Variants in SLC6A12 observed in about 807,000 individuals in gnomAD.
The protein encoded by SLC6A12 is solute carrier family 6 member 12, also known as sodium- and chloride-dependent betaine transporter.
A neutral mutation model predicts 73.3 loss-of-function variants in SLC6A12; 50 were observed. The observed-to-expected ratio is 0.68, with a 90% CI of 0.54 to 0.86. The LOEUF (loss-of-function observed/expected upper bound fraction) is 0.86. Among genes scored for constraint, SLC6A12 ranks in the 40% least tolerant of loss-of-function variants. The pLI is 0.00. For missense variants in SLC6A12, 648 were observed against 772.8 expected, an observed-to-expected ratio of 0.84 and a Z score of 1.92; for synonymous variants, 304 against 309.2, an observed-to-expected ratio of 0.98 and a Z score of 0.18.
rs763860414 is a variant in SLC6A12 at position 209,900 on chromosome 12, G to A, written c.87C>T (p.Asp29=). 20 of 1,614,054 alleles carry A rather than the reference G, an allele frequency of 1.2e-5. No individual in the cohort carries two copies. Among genetic ancestry groups the A allele is most frequent in the African/African-American group, 4.0e-5 (3 of 74,912 alleles). ...PEEGEKLDQE[D]EDQVKDRGQW... ...GGCCCCGATCCTTCACCTGGTCCTC[G>A]TCTTCCTGGTCCAACTTCTCTCCCT... Residue 29 remains aspartate, a synonymous_variant, in exon 3 of 16, where the codon GAC becomes GAT. Transcript: ENST00000684302.
Position 198,841 on chromosome 12 carries a change from T to A in SLC6A12, c.802A>T (p.Ile268Phe), listed in dbSNP as rs749942377. 6.2e-7 allele frequency: 1 copy of A among 1,614,228 alleles called. No individual in the cohort carries two copies. Among genetic ancestry groups the A allele is most frequent in the Non-Finnish European group, 8.5e-7 (1 of 1,180,034 alleles). ...VTLPGAYQGI[I>F]YYLKPDLFRL... ...AACAAATCTGGCTTCAAGTAGTAGATGATGCCCTGGTAGGCTCCGGGAAGG... is the reference window on the plus strand; with the variant it reads ...AACAAATCTGGCTTCAAGTAGTAGAAGATGCCCTGGTAGGCTCCGGGAAGG... The change falls in exon 8 of 16, where the codon ATC (isoleucine) becomes TTC (phenylalanine). Residue 268 changes from isoleucine (I) to phenylalanine (F), a missense_variant. Coordinates refer to ENST00000684302, the MANE Select transcript of SLC6A12 (RefSeq NM_001122848.3). The surrounding 1 kb of genome is among the most constrained non-coding windows in gnomAD (Gnocchi z 4.0).
intron 7 of SLC6A12, among the ~76,000 whole-genome samples, chr12:200,251 G>T (rs1193228075): frequency 6.6e-6 from 1 of 150,742 alleles, no homozygotes; most frequent in Non-Finnish European, 1.5e-5. Flanking sequence ...TGGGACTACA[G>T]GTGCCCACCA....
At chr12:200,310 G>A (rs562885943) in intron 7 of SLC6A12, among the ~76,000 whole-genome samples, 1,555 of 151,004 alleles carry the variant, frequency 0.01, 15 homozygotes, top group African/African-American at 0.016. Flanking sequence ...GGGTTTTACC[G>A]TGTTAGCCAG....
intron 5 of SLC6A12, 149 bp downstream of exon 5, chr12:202,591 G>A (rs1940329553): frequency 1.4e-6 from 1 of 710,260 alleles, no homozygotes. Context: ...CCTCAGAGGA[G>A]CCAAGGAGCA....
At chr12:195,047 A>T (rs1383399818) in intron 13 of SLC6A12, among the ~76,000 whole-genome samples, 178 bp downstream of exon 13, 1 of 152,188 alleles carries the variant, frequency 6.6e-6, no homozygotes, top group Non-Finnish European at 1.5e-5. Context: ...GCTGCCATGA[A>T]AATGCCAGGC....
chr12:187,637 CACACACACA>C (rs1939460646), downstream of SLC6A12, among the ~76,000 whole-genome samples: 2 of 111,162 alleles, frequency 1.8e-5, no homozygotes, highest in African/African-American at 9.0e-5. Context: ...AAAAACAAAC[CACACACACA>C]GCACCCACTG....
At position 209,851 on chromosome 12, in the gene SLC6A12, C is replaced by T. The variant is rs1383706138; in HGVS notation, c.136G>A (p.Val46Met). 3 of 1,614,102 alleles carry T rather than the reference C, an allele frequency of 1.9e-6. No individual in the cohort carries two copies. Among genetic ancestry groups the T allele is most frequent in the East Asian group, 4.5e-5 (2 of 44,894 alleles). ...RGQWTNKMEF[V>M]LSVAGEIIGL... ...ATGATCTCCCCGGCCACTGACAGCACAAACTCCATCTTGTTGGTCCATTGG... is the reference window on the plus strand; with the variant it reads ...ATGATCTCCCCGGCCACTGACAGCATAAACTCCATCTTGTTGGTCCATTGG... Residue 46 changes from valine (V) to methionine (M), a missense_variant, in exon 3 of 16, where the codon GTG (valine) becomes ATG (methionine). Transcript: ENST00000684302.
chr12:204,465 G>A (rs1376687491), intron 4 of SLC6A12, 99 bp downstream of exon 4: 18 of 1,181,490 alleles, frequency 1.5e-5, no homozygotes, highest in Admixed American at 1.2e-4. Context: ...GGGAGTGAGC[G>A]GATGGGTGAA....
chr12:210,347 G>A lies in SLC6A12; in HGVS notation c.-57-304C>T, dbSNP rs2075229. The A allele has an allele frequency of 4.2e-5, 47 of 1,126,482 alleles. No homozygotes were observed. In the African/African-American group the frequency reaches 6.4e-4, roughly 15 times the overall value. The allele number at this position is 1,126,482 out of a possible 1,614,324, so 69.8% of individuals were successfully genotyped here. A position where few individuals can be genotyped will look rare whatever the true frequency, so the allele number is the denominator to read the frequency against. On this transcript the variant is annotated intron_variant, in intron 2 of 15. Coordinates refer to ENST00000684302, the MANE Select transcript of SLC6A12 (RefSeq NM_001122848.3). ...ATGTCCCTTTTTATCTGTACAGCTCGCCACCATCCCAGCCGGCCCATCTGC... is the reference window on the plus strand; with the variant it reads ...ATGTCCCTTTTTATCTGTACAGCTCACCACCATCCCAGCCGGCCCATCTGC...
At chr12:197,853 C>G (rs1046406385) in intron 9 of SLC6A12, 47 bp downstream of exon 9, 1 of 1,362,680 alleles carries the variant, frequency 7.3e-7, no homozygotes, top group Admixed American at 1.7e-5. Flanking sequence ...AACCCATCCC[C>G]AGGCCCCAAC....
chr12:209,858 C>T lies in SLC6A12; in HGVS notation c.129G>A (p.Met43Ile), dbSNP rs770555013. 1 of 1,614,210 alleles carries T rather than the reference C, an allele frequency of 6.2e-7. No individual in the cohort carries two copies. Among genetic ancestry groups the T allele is most frequent in the Admixed American group, 1.7e-5 (1 of 60,028 alleles). The change falls in exon 3 of 16, where the codon ATG becomes ATA. Residue 43 changes from methionine (M) to isoleucine (I), a missense_variant. By Grantham distance (10) the Met-to-Ile change is conservative. Coordinates refer to ENST00000684302, the MANE Select transcript of SLC6A12 (RefSeq NM_001122848.3). ...VKDRGQWTNKMEFVLSVAGEI... is the reference protein window; with the variant it reads ...VKDRGQWTNKIEFVLSVAGEI... ...CCCCGGCCACTGACAGCACAAACTC[C>T]ATCTTGTTGGTCCATTGGCCCCGAT...
At chr12:187,675 CG>C (rs2137092578), downstream of SLC6A12, among the ~76,000 whole-genome samples, 1 of 145,856 alleles carries the variant, frequency 6.9e-6, no homozygotes, top group Admixed American at 6.9e-5. Context: ...GCGACCCCAG[CG>C]GGTTACCACT....
At chr12:201,287 G>A (rs558778838) in intron 6 of SLC6A12, 18 of 194,918 alleles carry the variant, frequency 9.2e-5, no homozygotes, top group South Asian at 2.2e-4. Context: ...GCAGGTGGAC[G>A]AGTGTGGGCA....
In SLC6A12 at chr12:198,099, G is replaced by A. The variant is rs1476550577; in HGVS notation, c.847-96C>T. The A allele has an allele frequency of 1.1e-6, 1 of 901,670 alleles. No homozygotes were observed. The highest frequency in any genetic ancestry group is 1.7e-5 in the African/African-American group (1 of 60,482). The allele number at this position is 901,670 out of a possible 1,614,324, so 55.9% of individuals were successfully genotyped here. A position where few individuals can be genotyped will look rare whatever the true frequency, so the allele number is the denominator to read the frequency against. ...ACCCGTCCCCTGCAGCACCAGCCTGGCCCCTCAGTGCTCCCTGAGCGCTTC... is the reference window on the plus strand; with the variant it reads ...ACCCGTCCCCTGCAGCACCAGCCTGACCCCTCAGTGCTCCCTGAGCGCTTC... On this transcript the variant is annotated intron_variant, in intron 8 of 15. Coordinates refer to ENST00000684302, the MANE Select transcript of SLC6A12 (RefSeq NM_001122848.3). This position sits in a 1 kb window ranked among gnomAD's most constrained non-coding sequence, Gnocchi z 4.0.
rs766938786 is a variant in SLC6A12, at chr12:202,765, C to A, written c.465G>T (p.Thr155=). 1 of 1,613,272 alleles carries A rather than the reference C, an allele frequency of 6.2e-7. No homozygotes were observed. The highest frequency in any genetic ancestry group is 1.1e-5 in the South Asian group (1 of 90,852). Residue 155 remains threonine (T), a synonymous_variant, in exon 5 of 16, where the codon ACG becomes ACT. Transcript: ENST00000684302. ...CTGTGTTCCAAAAGTTGTTGCAGGT[C>A]GTCCAGGGCAGCTCAGAAGTGAAGG... ...FSSFTSELPW[T]TCNNFWNTEH...
At chr12:187,072 T>C (rs543167850), downstream of SLC6A12, among the ~76,000 whole-genome samples, 4 of 152,186 alleles carry the variant, frequency 2.6e-5, no homozygotes, top group Non-Finnish European at 1.5e-5. Flanking sequence ...GTGACAGAAG[T>C]GGGAAGACTG....
intron 13 of SLC6A12, 30 bp from the exon 14 acceptor site, chr12:193,407 G>C: frequency 6.5e-7 from 1 of 1,537,336 alleles, no homozygotes; most frequent in South Asian, 1.1e-5. Flanking sequence ...GAGAGTGTGA[G>C]AGCCAGAGGG....
At chr12:200,142 G>A (rs979134147) in intron 7 of SLC6A12, among the ~76,000 whole-genome samples, 1 of 138,082 alleles carries the variant, frequency 7.2e-6, no homozygotes. Flanking sequence ...ACGGAGTCTG[G>A]CTGTCGCCCA....
intron 4 of SLC6A12, chr12:203,540 C>T (rs1346582356): frequency 6.6e-6 from 1 of 152,116 alleles, no homozygotes; most frequent in African/African-American, 2.4e-5. Context: ...GGGAGGGACC[C>T]GCAGACGGCA....
Sources: gnomAD v4.1 joint callset for allele counts (sites outside exome capture counted in the v4.1 genomes callset) on GRCh38, gnomAD v4.1.1 for gene constraint, Gnocchi (gnomAD v3.1) non-coding constraint, MANE v1.5 for transcripts, NCBI Gene and HGNC (gene_info 2026-07-23, HGNC 2026-07-21) for gene names.